NME7: variants seen among roughly 807,000 people sequenced by gnomAD.
NME7 encodes nucleoside diphosphate kinase 7.
NME7 carries 41 observed loss-of-function variants against 49.1 expected under a neutral mutation model. The observed-to-expected ratio is 0.83, with a 90% CI of 0.65 to 1.08. The LOEUF is 1.08. Ranked by LOEUF, NME7 falls within the 50% of genes least tolerant of loss-of-function variation. NME7 has a pLI of 0.00. For missense variants in NME7, 423 were observed against 463.4 expected, an observed-to-expected ratio of 0.91 and a Z score of 0.80; for synonymous variants, 139 against 150.6, an observed-to-expected ratio of 0.92 and a Z score of 0.56.
intron 7 of NME7, among the ~76,000 whole-genome samples, chr1:169,239,560 G>A (rs2101831074): frequency 6.6e-6 from 1 of 152,130 alleles, no homozygotes; most frequent in East Asian, 1.9e-4. Context: ...CATTTATAGA[G>A]TAGGAAACTG....
At chr1:169,274,084 A>T (rs1295988535) in intron 7 of NME7, among the ~76,000 whole-genome samples, 6 of 130,372 alleles carry the variant, frequency 4.6e-5, no homozygotes, top group African/African-American at 1.5e-4. Flanking sequence ...TCCCACCAAC[A>T]GTGTAAAAGT....
At chr1:169,352,468 G>GT (rs1653213910) in intron 1 of NME7, among the ~76,000 whole-genome samples, 1 of 152,074 alleles carries the variant, frequency 6.6e-6, no homozygotes, top group Non-Finnish European at 1.5e-5. Flanking sequence ...CCCACAGCTA[G>GT]TATCACAATG....
chr1:169,212,388 T>G (rs1385511176), intron 10 of NME7, among the ~76,000 whole-genome samples: 1 of 152,020 alleles, frequency 6.6e-6, no homozygotes, highest in Non-Finnish European at 1.5e-5. Context: ...GGATTCCATG[T>G]TTGTGAATTT....
intron 7 of NME7, among the ~76,000 whole-genome samples, chr1:169,269,015 A>G (rs532153647): frequency 7.5e-6 from 1 of 133,868 alleles, no homozygotes; most frequent in African/African-American, 2.5e-5. Context: ...TACAGCAATA[A>G]TATCTAAATT....
chr1:169,205,283 T>C (rs922987512), intron 10 of NME7, among the ~76,000 whole-genome samples: 6 of 152,110 alleles, frequency 3.9e-5, no homozygotes, highest in African/African-American at 1.4e-4. Flanking sequence ...TCATCACATA[T>C]ATGTATGAAA....
chr1:169,316,990 C>A (rs1651654823), intron 3 of NME7, among the ~76,000 whole-genome samples: 1 of 147,038 alleles, frequency 6.8e-6, no homozygotes, highest in African/African-American at 2.5e-5. Flanking sequence ...AAAGAAAAGG[C>A]AAGAAGAAAA....
chr1:169,307,754 T>G (rs1256325044), intron 4 of NME7, among the ~76,000 whole-genome samples: 1 of 152,160 alleles, frequency 6.6e-6, no homozygotes, highest in Non-Finnish European at 1.5e-5. Context: ...GCGCGGTGGC[T>G]CATGCCTGTA....
intron 11 of NME7, among the ~76,000 whole-genome samples, chr1:169,155,669 G>A (rs1447573196): frequency 8.6e-5 from 13 of 152,010 alleles, no homozygotes; most frequent in Admixed American, 8.5e-4. Context: ...AAACGATGAT[G>A]ATGGGAAACA....
At chr1:169,165,437 C>G (rs1019506803) in intron 11 of NME7, among the ~76,000 whole-genome samples, 1 of 152,198 alleles carries the variant, frequency 6.6e-6, no homozygotes, top group African/African-American at 2.4e-5. Context: ...AGAGAAGTAG[C>G]ATGTTCCCCT....
chr1:169,273,230 C>T lies in NME7; in HGVS notation c.754+14073G>A, dbSNP rs186546274. Among the ~76,000 whole-genome samples the T allele has an allele frequency of 1.1e-4, 14 of 130,878 alleles. 1 individual carries two copies. In the East Asian group the frequency reaches 2.8e-3, roughly 26 times the overall value. 85.9% of individuals were successfully genotyped at this position (130,878 alleles called of 152,430 possible). On this transcript the variant is annotated intron_variant, in intron 7 of 11. Transcript: ENST00000367811. ...CCCTAGCCTCCCACCCCCTGACAGG[C>T]CCCAGTGTGTGATGTTCCCCTCCCT... is the stretch of plus-strand genomic sequence containing the variant.
At chr1:169,326,527 G>A (rs544729985) in intron 1 of NME7, among the ~76,000 whole-genome samples, 3 of 152,124 alleles carry the variant, frequency 2.0e-5, no homozygotes, top group Non-Finnish European at 4.4e-5. Context: ...CTAAGAAGCT[G>A]GTAGAGGGAG....
intron 11 of NME7, among the ~76,000 whole-genome samples, chr1:169,142,638 C>T (rs948419753): frequency 6.6e-6 from 1 of 152,156 alleles, no homozygotes; most frequent in Non-Finnish European, 1.5e-5. Context: ...TACACTAAGC[C>T]ATGCAATTTT....
At chr1:169,273,518 A>T (rs1205517834) in intron 7 of NME7, among the ~76,000 whole-genome samples, 49 of 125,542 alleles carry the variant, frequency 3.9e-4, no homozygotes, top group South Asian at 9.9e-4. Context: ...TGTGCAGGTT[A>T]GTTACATATG....
intron 9 of NME7, among the ~76,000 whole-genome samples, chr1:169,231,379 A>C (rs957859522): frequency 6.6e-6 from 1 of 152,226 alleles, no homozygotes; most frequent in African/African-American, 2.4e-5. Context: ...CTTACTGTCT[A>C]GAGGCAGTTT....
intron 9 of NME7, among the ~76,000 whole-genome samples, chr1:169,234,208 C>T (rs2101824223): frequency 6.6e-6 from 1 of 152,216 alleles, no homozygotes; most frequent in Admixed American, 6.5e-5. Flanking sequence ...GTTTCCTTTA[C>T]AGCCTTTTGA....
At chr1:169,174,433 A>C (rs1304923605) in intron 10 of NME7, among the ~76,000 whole-genome samples, 1 of 152,190 alleles carries the variant, frequency 6.6e-6, no homozygotes, top group African/African-American at 2.4e-5. Context: ...AACTAGAAAA[A>C]GATTTATGAA....
intron 10 of NME7, among the ~76,000 whole-genome samples, chr1:169,206,209 A>C (rs1421790795): frequency 6.6e-6 from 1 of 152,092 alleles, no homozygotes; most frequent in Non-Finnish European, 1.5e-5. Flanking sequence ...CTCTGTGAAG[A>C]TAGATTTTAT....
intron 10 of NME7, among the ~76,000 whole-genome samples, chr1:169,178,750 T>C (rs1347767375): frequency 6.6e-6 from 1 of 152,060 alleles, no homozygotes; most frequent in Non-Finnish European, 1.5e-5. Flanking sequence ...GTTTTCAGCT[T>C]TACTGCTCTA....
intron 10 of NME7, among the ~76,000 whole-genome samples, chr1:169,178,066 C>T (rs1238174281): frequency 6.6e-6 from 1 of 152,082 alleles, no homozygotes. Flanking sequence ...GTCTTGATCT[C>T]CTAACCTCAG....
Sources: allele counts gnomAD v4.1 joint callset (sites outside exome capture counted in the v4.1 genomes callset), GRCh38; gene constraint gnomAD v4.1.1; transcripts MANE v1.5; gene names NCBI Gene and HGNC (gene_info 2026-07-23, HGNC 2026-07-21).